SRP54: variants seen among roughly 807,000 people sequenced by gnomAD.
SRP54 encodes signal recognition particle subunit SRP54.
Under a neutral mutation model 64.8 loss-of-function variants are expected in SRP54, and 10 were observed. The ratio of observed to expected loss-of-function variants is 0.15; its 90% CI spans 0.10 to 0.26. The LOEUF is 0.26. SRP54 is among the 10% of genes least tolerant of loss of function. The probability of loss-of-function intolerance (pLI) is 1.00; values close to 1 mark genes in which losing one functional copy is unlikely to be tolerated. For synonymous variants in SRP54, 193 were observed against 185.6 expected (o/e 1.04, Z -0.32); for missense variants, 325 against 613.7 (o/e 0.53, Z 4.97).
intron 12 of SRP54, 99 bp from the exon 13 acceptor site, chr14:35,018,867 C>A (rs1018936972): frequency 1.4e-6 from 2 of 1,413,952 alleles, no homozygotes; most frequent in Non-Finnish European, 2.0e-6. Flanking sequence ...AAAAATATAT[C>A]TAAGACTTAG....
chr14:35,028,421 G>A (rs917292113), intron 15 of SRP54, among the ~76,000 whole-genome samples: 1 of 152,042 alleles, frequency 6.6e-6, no homozygotes, highest in Non-Finnish European at 1.5e-5. Flanking sequence ...ATCATCTTTT[G>A]TTTGTTCTGG....
intron 1 of SRP54, among the ~76,000 whole-genome samples, chr14:34,984,789 A>C (rs2043868064): frequency 6.6e-6 from 1 of 152,166 alleles, no homozygotes; most frequent in African/African-American, 2.4e-5. Context: ...GGTGTGAGCC[A>C]CCATGCCCTG....
At chr14:35,026,325 T>C (rs1250176461) in intron 14 of SRP54, among the ~76,000 whole-genome samples, 3 of 152,180 alleles carry the variant, frequency 2.0e-5, no homozygotes, top group South Asian at 2.1e-4. Context: ...CCTCCCAAGC[T>C]CAAGCGATCC....
chr14:35,024,085 T>C (rs984315023), intron 14 of SRP54, among the ~76,000 whole-genome samples: 2 of 152,148 alleles, frequency 1.3e-5, no homozygotes, highest in African/African-American at 4.8e-5. Flanking sequence ...TGGAGTGCAG[T>C]GGCACAATCT....
At chr14:34,983,802 A>G (rs2043848371) in intron 1 of SRP54, among the ~76,000 whole-genome samples, 1 of 152,244 alleles carries the variant, frequency 6.6e-6, no homozygotes, top group Admixed American at 6.5e-5. Flanking sequence ...GGATACAGAA[A>G]TGAATAACAC....
At chr14:34,988,224 C>T (rs547948901) in intron 1 of SRP54, among the ~76,000 whole-genome samples, 205 of 152,074 alleles carry the variant, frequency 1.3e-3, no homozygotes, top group Admixed American at 3.1e-3. Context: ...AAAACAGTTC[C>T]TAAATTTGAA....
chr14:35,027,764 T>TA (rs1266866331), intron 14 of SRP54: 1 of 158,810 alleles, frequency 6.3e-6, no homozygotes, highest in Admixed American at 6.4e-5. Flanking sequence ...TCAAAATAAA[T>TA]AAAAAATAAA....
chr14:35,002,326 A>G lies in SRP54; in HGVS notation c.255+1306A>G, dbSNP rs557546324. Among the ~76,000 whole-genome samples the G allele has an allele frequency of 2.0e-5, 3 of 152,140 alleles. No individual in the cohort carries two copies. In the South Asian group the frequency reaches 6.2e-4, roughly 32 times the overall value. Reference sequence around the variant, plus strand: ...CCGTGATTGTGCCACTGCACTCCCGACTGGGGGAGAGGGTGAGACCCTGTC... The same window carrying G: ...CCGTGATTGTGCCACTGCACTCCCGGCTGGGGGAGAGGGTGAGACCCTGTC... On this transcript the variant is annotated intron_variant, in intron 4 of 15. Transcript: ENST00000216774.
intron 4 of SRP54, among the ~76,000 whole-genome samples, chr14:35,003,911 G>A (rs1231279700): frequency 1.3e-5 from 2 of 148,230 alleles, no homozygotes; most frequent in Non-Finnish European, 3.0e-5. Context: ...TCCAGCCTGG[G>A]TGACAGAGCG....
intron 3 of SRP54, 184 bp downstream of exon 3, chr14:34,999,833 A>G (rs2044141875): frequency 2.3e-6 from 1 of 437,212 alleles, no homozygotes; most frequent in East Asian, 3.4e-5. Context: ...TGATGGTTCA[A>G]AGAATAAACT....
At chr14:35,013,560 C>T in intron 9 of SRP54, 66 bp downstream of exon 9, 1 of 1,489,558 alleles carries the variant, frequency 6.7e-7, no homozygotes, top group Non-Finnish European at 9.2e-7. Flanking sequence ...GTGTTTATAG[C>T]TTTCATATTG....
At chr14:34,999,014 GTT>G (rs67731588) in intron 2 of SRP54, among the ~76,000 whole-genome samples, 69 of 36,656 alleles carry the variant, frequency 1.9e-3, no homozygotes, top group African/African-American at 7.0e-3. Flanking sequence ...TGTGTGTGTG[GTT>G]TTTTTTTTTT....
At chr14:35,009,898 G>A (rs1246229730) in intron 7 of SRP54, among the ~76,000 whole-genome samples, 3 of 151,750 alleles carry the variant, frequency 2.0e-5, no homozygotes, top group Non-Finnish European at 1.5e-5. Flanking sequence ...CAGGCTGGGC[G>A]CACCACGTTG....
At chr14:35,023,499 C>A (rs574858797) in intron 14 of SRP54, among the ~76,000 whole-genome samples, 36 of 152,008 alleles carry the variant, frequency 2.4e-4, no homozygotes, top group African/African-American at 8.7e-4. Flanking sequence ...AAACATAATT[C>A]TTGGCCAGGC....
intron 15 of SRP54, 26 bp downstream of exon 15, chr14:35,028,209 C>T: frequency 7.0e-7 from 1 of 1,420,528 alleles, no homozygotes; most frequent in Non-Finnish European, 9.8e-7. Flanking sequence ...TTGGCAGTTG[C>T]TAATGCAGTT....
At chr14:34,988,597 C>CATATATATATATAA (rs1555352781) in intron 1 of SRP54, among the ~76,000 whole-genome samples, 912 of 77,486 alleles carry the variant, frequency 0.012, 18 homozygotes, top group African/African-American at 0.032. Flanking sequence ...ATATATATAA[C>CATATATATATATAA]ATATATATAT....
At chr14:35,017,281 T>C (rs1595008812) in intron 11 of SRP54, among the ~76,000 whole-genome samples, 1 of 152,346 alleles carries the variant, frequency 6.6e-6, no homozygotes, top group Middle Eastern at 3.4e-3. Context: ...CATTTTTGTT[T>C]CTATTTCTAA....
At chr14:35,026,252 G>A (rs934241225) in intron 14 of SRP54, among the ~76,000 whole-genome samples, 1 of 148,266 alleles carries the variant, frequency 6.7e-6, no homozygotes, top group East Asian at 2.1e-4. Flanking sequence ...ACAGGGTCTC[G>A]CTGTGTCACC....
At chr14:34,994,252 G>A (rs779742038) in intron 1 of SRP54, among the ~76,000 whole-genome samples, 12 of 152,068 alleles carry the variant, frequency 7.9e-5, no homozygotes, top group Admixed American at 1.3e-4. Flanking sequence ...ACCCACCTCG[G>A]CCTCCCAAAG....
Sources: gnomAD v4.1 joint callset for allele counts (sites outside exome capture counted in the v4.1 genomes callset) on GRCh38, gnomAD v4.1.1 for gene constraint, MANE v1.5 for transcripts, NCBI Gene and HGNC (gene_info 2026-07-23, HGNC 2026-07-21) for gene names.